The following DYTN variants were observed in gnomAD, a reference collection of about 807,000 sequenced individuals.
DYTN encodes dystrotelin.
A neutral mutation model predicts 69.6 loss-of-function variants in DYTN; 75 were observed. The observed-to-expected ratio is 1.08, with a 90% CI of 0.89 to 1.31. DYTN has a LOEUF of 1.31. Ranked by LOEUF, DYTN falls within the 50% of genes most tolerant of loss-of-function variation. The pLI is 0.00. For missense variants in DYTN, 726 were observed against 688.4 expected, an observed-to-expected ratio of 1.05 and a Z score of -0.61; for synonymous variants, 252 against 249.1, an observed-to-expected ratio of 1.01 and a Z score of -0.11.
intron 9 of DYTN, among the ~76,000 whole-genome samples, chr2:206,671,806 C>T (rs1333892504): frequency 6.6e-6 from 1 of 152,178 alleles, no homozygotes; most frequent in East Asian, 1.9e-4. Context: ...AATTGAGAAG[C>T]ATTTCAGGTT....
At chr2:206,675,029 C>T (rs961218044) in intron 9 of DYTN, among the ~76,000 whole-genome samples, 25 of 150,970 alleles carry the variant, frequency 1.7e-4, no homozygotes, top group African/African-American at 5.8e-4. Context: ...TATCATTGCT[C>T]TGAAAGATGT....
intron 3 of DYTN, among the ~76,000 whole-genome samples, chr2:206,706,281 T>A (rs1235033618): frequency 6.6e-6 from 1 of 151,156 alleles, no homozygotes; most frequent in Non-Finnish European, 1.5e-5. Context: ...AAAAAAAAAA[T>A]CTAGTTCACA....
chr2:206,675,139 G>GTGTGTA (rs1442058806), intron 9 of DYTN, among the ~76,000 whole-genome samples: 5 of 140,040 alleles, frequency 3.6e-5, no homozygotes, highest in Non-Finnish European at 7.7e-5. Flanking sequence ...GTGTGTGTGT[G>GTGTGTA]TGTGTGTATA....
At position 206,665,961 on chromosome 2, in the gene DYTN, C is replaced by T. The variant is rs1481366430; in HGVS notation, c.1049G>A (p.Arg350Lys). ...LQAIYTSQEE[R>K]ICRFETRIHK... ...AATCCTTGTTTCAAATCGACAAATT[C>T]TTTCTTCCTGGGAGGTGTATATAGC... The change falls in exon 10 of 12, where the codon AGA (arginine) becomes AAA (lysine). Residue 350 changes from arginine to lysine, a missense_variant. Coordinates refer to ENST00000452335, the MANE Select transcript of DYTN (RefSeq NM_001093730.1). The T allele has an allele frequency of 3.7e-6, 6 of 1,613,862 alleles. No homozygotes were observed. The highest frequency in any genetic ancestry group is 5.1e-6 in the Non-Finnish European group (6 of 1,179,842).
At chr2:206,713,565 GTA>G (rs886987395) in intron 1 of DYTN, among the ~76,000 whole-genome samples, 1 of 152,148 alleles carries the variant, frequency 6.6e-6, no homozygotes, top group Admixed American at 6.6e-5. Flanking sequence ...TGTTTTCTTT[GTA>G]AAGTTGAGGG....
In DYTN at chr2:206,692,265, T is replaced by TAA. The variant is rs11379805; in HGVS notation, c.980+908_980+909dup. On this transcript the variant is annotated intron_variant, in intron 9 of 11. Transcript: ENST00000452335. ...GGGCGACAGAGTGAGATCTTGTCTC[T>TAA]AAAAAAAAAAAAAAAAAGTGTTTCT... is the stretch of plus-strand genomic sequence containing the variant. Among the ~76,000 whole-genome samples, 863 of 128,290 alleles carry TAA rather than the reference T, an allele frequency of 6.7e-3. 12 individuals are homozygous for TAA. Among genetic ancestry groups the TAA allele is most frequent in the African/African-American group, 0.022 (763 of 35,426 alleles). 84.2% of individuals were successfully genotyped at this position (128,290 alleles called of 152,430 possible).
intron 2 of DYTN, among the ~76,000 whole-genome samples, chr2:206,710,126 C>T (rs112561032): frequency 1.8e-4 from 28 of 152,186 alleles, no homozygotes; most frequent in Admixed American, 3.3e-4. Context: ...GCAAATCTTA[C>T]GTGGTAGATG....
At chr2:206,701,223 A>G (rs1421990956) in intron 5 of DYTN, 1 of 152,208 alleles carries the variant, frequency 6.6e-6, no homozygotes, top group East Asian at 1.9e-4. Context: ...AAACACTTTC[A>G]TATCACATCA....
chr2:206,651,744 C>T lies in DYTN; in HGVS notation c.*74G>A. The stretch of plus-strand genomic sequence containing the variant: ...AAACTATTAAAAGAAAGGTAGAAGT[C>T]TTAATTCTTTTAATACAGTTGTGCA... On this transcript the variant is annotated 3_prime_UTR_variant, in exon 12 of 12. Coordinates refer to ENST00000452335, the MANE Select transcript of DYTN (RefSeq NM_001093730.1). 3 of 1,377,374 alleles carry T rather than the reference C, an allele frequency of 2.2e-6. No individual in the cohort carries two copies. The highest frequency in any genetic ancestry group is 3.1e-6 in the Non-Finnish European group (3 of 979,568). The allele number at this position is 1,377,374 out of a possible 1,614,324, so 85.3% of individuals were successfully genotyped here.
At chr2:206,688,656 A>G (rs1699836201) in intron 9 of DYTN, among the ~76,000 whole-genome samples, 1 of 152,200 alleles carries the variant, frequency 6.6e-6, no homozygotes, top group Non-Finnish European at 1.5e-5. Context: ...AAGTAGGCAA[A>G]TTTGTAAGTA....
chr2:206,666,402 T>A (rs1043713395), intron 9 of DYTN, among the ~76,000 whole-genome samples: 1 of 152,198 alleles, frequency 6.6e-6, no homozygotes, highest in African/African-American at 2.4e-5. Context: ...TGCCTTTGTG[T>A]GTATTATGGA....
At chr2:206,678,572 C>T (rs183676831) in intron 9 of DYTN, among the ~76,000 whole-genome samples, 1 of 152,192 alleles carries the variant, frequency 6.6e-6, no homozygotes, top group Admixed American at 6.5e-5. Flanking sequence ...GGAGTTAAAT[C>T]ATATTATGCT....
At position 206,675,156 on chromosome 2, in the gene DYTN, T is replaced by C. The variant is rs1221437133; in HGVS notation, c.981-9127A>G. On this transcript the variant is annotated intron_variant, in intron 9 of 11. Transcript: ENST00000452335. ...GTGTGTGTGTGTGTGTATATATGTG[T>C]ATATATATTTAAATATATATACACA... 3.4e-5 allele frequency among the ~76,000 whole-genome samples: 5 copies of C among 147,042 alleles called. 1 individual carries two copies. In the East Asian group the frequency reaches 5.9e-4, roughly 17 times the overall value.
At position 206,704,950 on chromosome 2, in the gene DYTN, A is replaced by G. The variant is rs1700011199; in HGVS notation, c.383-7T>C. 6.2e-7 allele frequency: 1 copy of G among 1,609,526 alleles called. No homozygotes were observed. The highest frequency in any genetic ancestry group is 8.5e-7 in the Non-Finnish European group (1 of 1,176,490). On this transcript the variant is annotated splice_region_variant and splice_polypyrimidine_tract_variant and intron_variant, in intron 4 of 11. Coordinates refer to ENST00000452335, the MANE Select transcript of DYTN (RefSeq NM_001093730.1). ...GCATAGAGTTGAAAAAGAGCTAGAC[A>G]TGTAGGAGGAACAATCTTTAAATTG...
intron 9 of DYTN, among the ~76,000 whole-genome samples, chr2:206,687,830 A>T (rs1699828441): frequency 1.3e-5 from 2 of 152,022 alleles, no homozygotes; most frequent in Non-Finnish European, 2.9e-5. Context: ...TCATCCTTAG[A>T]CCTACATGTT....
intron 5 of DYTN, 82 bp downstream of exon 5, chr2:206,704,761 A>G: frequency 8.4e-7 from 1 of 1,196,470 alleles, no homozygotes; most frequent in African/African-American, 1.5e-5. Flanking sequence ...TAGACTTGAC[A>G]CTGGAGACAT....
At chr2:206,714,072 T>C (rs141475573) in intron 1 of DYTN, among the ~76,000 whole-genome samples, 1 of 152,248 alleles carries the variant, frequency 6.6e-6, no homozygotes, top group African/African-American at 2.4e-5. Flanking sequence ...CATTTTTGTC[T>C]CGTTCTTGCA....
At chr2:206,709,484 C>T (rs923024054) in intron 2 of DYTN, among the ~76,000 whole-genome samples, 2 of 151,778 alleles carry the variant, frequency 1.3e-5, no homozygotes, top group African/African-American at 4.8e-5. Context: ...CACACACATA[C>T]AAGCAAACAC....
At chr2:206,656,068 G>C (rs988903708) in intron 11 of DYTN, among the ~76,000 whole-genome samples, 1 of 151,994 alleles carries the variant, frequency 6.6e-6, no homozygotes, top group Admixed American at 6.6e-5. Context: ...AATCATTATT[G>C]AAAGTGGTTT....
Sources: gnomAD v4.1 joint callset for allele counts (sites outside exome capture counted in the v4.1 genomes callset) on GRCh38, gnomAD v4.1.1 for gene constraint, MANE v1.5 for transcripts, NCBI Gene and HGNC (gene_info 2026-07-23, HGNC 2026-07-21) for gene names.